CIC: variants seen among roughly 807,000 people sequenced by gnomAD.
CIC encodes the protein capicua transcriptional repressor.
CIC carries 18 observed loss-of-function variants against 115.7 expected under a neutral mutation model. That is an observed-to-expected ratio of 0.16 (90% CI 0.11 to 0.23). The LOEUF (loss-of-function observed/expected upper bound fraction) is 0.23, where lower values mean the gene tolerates loss of function less well. Among genes scored for constraint, CIC ranks in the 10% least tolerant of loss-of-function variants. The pLI is 1.00. For missense variants in CIC, 2,000 were observed against 2,159.3 expected, an observed-to-expected ratio of 0.93 and a Z score of 1.46; for synonymous variants, 1,076 against 923.0, an observed-to-expected ratio of 1.17 and a Z score of -3.01.
chr19:42,288,366 G>A (rs548919940), intron 7 of CIC, among the ~76,000 whole-genome samples: 3 of 152,254 alleles, frequency 2.0e-5, no homozygotes, highest in South Asian at 2.1e-4. Context: ...ACCCCAGTTC[G>A]GCGGGCCCCC....
intron 14 of CIC, 38 bp from the exon 15 acceptor site, chr19:42,292,528 C>G (rs768640903): frequency 6.2e-7 from 1 of 1,612,248 alleles, no homozygotes; most frequent in Middle Eastern, 1.7e-4. Context: ...AGTCCGGGCC[C>G]TAACTTGGTC....
chr19:42,286,644 G>A, intron 2 of CIC, 127 bp from the exon 3 acceptor site: 1 of 1,192,724 alleles, frequency 8.4e-7, no homozygotes, highest in Non-Finnish European at 1.2e-6. Flanking sequence ...AGTCCAAGAG[G>A]CTCTGGTGTT....
chr19:42,277,765 C>G (rs1014478879), intron 2 of CIC, among the ~76,000 whole-genome samples: 1 of 152,178 alleles, frequency 6.6e-6, no homozygotes, highest in Non-Finnish European at 1.5e-5. Flanking sequence ...CTGGGGGCCA[C>G]CTGGTTGTCA....
Position 42,270,512 on chromosome 19 carries a change from C to T in CIC, c.-11+1131C>T, listed in dbSNP as rs2036740658. Among the ~76,000 whole-genome samples, 1 of 152,152 alleles carries T rather than the reference C, an allele frequency of 6.6e-6. No homozygotes were observed. The highest frequency in any genetic ancestry group is 2.4e-5 in the African/African-American group (1 of 41,432). Reference sequence around the variant, plus strand: ...CCCCTTTTCTTTTCTCAGGGCAGCTCGAAAGGGGGCGGGCAGTAATGACTG... The same window carrying T: ...CCCCTTTTCTTTTCTCAGGGCAGCTTGAAAGGGGGCGGGCAGTAATGACTG... On this transcript the variant is annotated intron_variant, in intron 1 of 20. Coordinates refer to ENST00000681038, the MANE Select transcript of CIC (RefSeq NM_001386298.1). This position sits in a 1 kb window ranked among gnomAD's most constrained non-coding sequence, Gnocchi z 4.1.
chr19:42,290,414 C>T lies in CIC; in HGVS notation c.4373C>T (p.Ser1458Phe), dbSNP rs2037997465. ...PASSSASAATSFSLGSGTFKA... is the reference protein window; with the variant it reads ...PASSSASAATFFSLGSGTFKA... ...TCCTCCTCAGCCTCGGCAGCCACCT[C>T]CTTCTCACTGGGCTCAGGAACCTTC... The change falls in exon 11 of 21, where the codon TCC becomes TTC. Residue 1458 changes from serine (S) to phenylalanine (F), a missense_variant. Physicochemically the swap from Ser to Phe is radical, Grantham distance 155. Coordinates refer to ENST00000681038, the MANE Select transcript of CIC (RefSeq NM_001386298.1). 6.2e-7 allele frequency: 1 copy of T among 1,614,032 alleles called. No homozygotes were observed.
chr19:42,284,810 G>A (rs761786676), intron 2 of CIC: 5 of 1,508,578 alleles, frequency 3.3e-6, no homozygotes. Flanking sequence ...AGGGGTCAAG[G>A]TGTCGGGGTG....
Position 42,271,897 on chromosome 19 carries a change from C to T in CIC, c.114C>T (p.Asp38=), listed in dbSNP as rs1346000950. The part of the protein sequence containing the change: ...ALRRRGAGEG[D]KPEEEDDEAQ... Reference sequence around the variant, plus strand: ...GGCGGCGAGGGGCTGGGGAGGGTGACAAGCCAGAGGAGGAGGATGACGAGG... The same window carrying T: ...GGCGGCGAGGGGCTGGGGAGGGTGATAAGCCAGAGGAGGAGGATGACGAGG... The change falls in exon 2 of 21, where the codon GAC becomes GAT. Residue 38 remains aspartate, a synonymous_variant. Transcript: ENST00000681038. 1 of 398,798 alleles carries T rather than the reference C, an allele frequency of 2.5e-6. No homozygotes were observed. Among genetic ancestry groups the T allele is most frequent in the Admixed American group, 4.4e-5 (1 of 22,720 alleles). 24.7% of individuals were successfully genotyped at this position (398,798 alleles called of 1,614,324 possible).
chr19:42,278,645 A>G (rs2037087459), intron 2 of CIC, among the ~76,000 whole-genome samples: 1 of 151,892 alleles, frequency 6.6e-6, no homozygotes, highest in Admixed American at 6.5e-5. Flanking sequence ...CACTCTTTAG[A>G]TGGACTTGCT....
rs2037909018 is a variant in CIC at position 42,289,422 on chromosome 19, C to T, written c.4087+16C>T. ...GATGTCATTGGTGAGCATTGCAGGG[C>T]CCAGAATCTTGCCCAGGACCCAGCA... On this transcript the variant is annotated intron_variant, in intron 9 of 20. Transcript: ENST00000681038. 1.9e-6 allele frequency: 3 copies of T among 1,559,496 alleles called. No individual in the cohort carries two copies. Among genetic ancestry groups the T allele is most frequent in the Non-Finnish European group, 2.6e-6 (3 of 1,151,264 alleles).
chr19:42,269,860 G>A (rs921363439), intron 1 of CIC, among the ~76,000 whole-genome samples: 7 of 152,156 alleles, frequency 4.6e-5, no homozygotes, highest in African/African-American at 1.7e-4. Flanking sequence ...TGCCAGGAGG[G>A]CTAATGGGAA....
Position 42,295,493 on chromosome 19 carries a change from A to G in CIC, c.*302A>G. On this transcript the variant is annotated 3_prime_UTR_variant, in exon 21 of 21. Transcript: ENST00000681038. ...GGCTCCTGTGAGGGCTGCAAGCTGG[A>G]GGGTGGTGCAGGCCTTGGGCCACAG... The G allele has an allele frequency of 8.2e-6, 3 of 363,662 alleles. No homozygotes were observed. The highest frequency in any genetic ancestry group is 1.0e-5 in the Non-Finnish European group (2 of 197,640). 22.5% of individuals were successfully genotyped at this position (363,662 alleles called of 1,614,324 possible).
chr19:42,287,125 C>G lies in CIC; in HGVS notation c.3064C>G (p.Pro1022Ala), dbSNP rs766800303. The part of the protein sequence containing the change: ...PESPGPGPPH[P>A]LGVVESGKGP... The stretch of plus-strand genomic sequence containing the variant: ...GAGCCCAGGACCCGGACCCCCACAC[C>G]CTTTGGGGGTGGTGGAATCTGGTAA... The change falls in exon 4 of 21, where the codon CCT becomes GCT. Residue 1022 changes from proline (P) to alanine (A), a missense_variant. Pro to Ala is a conservative substitution (Grantham distance 27, BLOSUM62 -1). Coordinates refer to ENST00000681038, the MANE Select transcript of CIC (RefSeq NM_001386298.1). The surrounding 1 kb of genome is among the most constrained non-coding windows in gnomAD (Gnocchi z 8.7). 2 of 1,613,516 alleles carry G rather than the reference C, an allele frequency of 1.2e-6. No homozygotes were observed. The highest frequency in any genetic ancestry group is 1.7e-6 in the Non-Finnish European group (2 of 1,179,892).
In CIC at chr19:42,292,971, A is replaced by C. The variant is rs556245581; in HGVS notation, c.6212A>C (p.Tyr2071Ser). ...TCCCCACTAGCAGGTTCCATGACCT[A>C]CAGCTTAGTGGCCCCCAAGGCCCAG... ...FPSATAGSMT[Y>S]SLVAPKAQRP... Residue 2071 changes from tyrosine to serine, a missense_variant, in exon 16 of 21, where the codon TAC becomes TCC. Around this residue, in one of 8 missense-constraint regions of CIC, gnomAD observed 1,466 missense variants for 1,390.4 expected, o/e 1.05. Coordinates refer to ENST00000681038, the MANE Select transcript of CIC (RefSeq NM_001386298.1). 22 of 1,613,708 alleles carry C rather than the reference A, an allele frequency of 1.4e-5. No individual in the cohort carries two copies. In the South Asian group the frequency reaches 2.3e-4, roughly 17 times the overall value.
At position 42,291,540 on chromosome 19, in the gene CIC, T is replaced by C; in HGVS notation, c.5426-18T>C. 6.2e-7 allele frequency: 1 copy of C among 1,613,112 alleles called. No homozygotes were observed. The highest frequency in any genetic ancestry group is 1.1e-5 in the South Asian group (1 of 91,084). ...GGCTCCCTTGTAACCTTTTCCTTTC[T>C]TGCCTCTTAACTTCCAGCCCAGTCA... On this transcript the variant is annotated intron_variant, in intron 11 of 20. Transcript: ENST00000681038.
chr19:42,282,086 T>A (rs2037283530), intron 2 of CIC, among the ~76,000 whole-genome samples: 2 of 152,152 alleles, frequency 1.3e-5, no homozygotes, highest in South Asian at 4.1e-4. Context: ...GTGCCTCACA[T>A]TGCAGTCCCT....
rs2038330411 is a variant in CIC at position 42,293,849 on chromosome 19, TG to T, written c.6767+17del. 6.2e-7 allele frequency: 1 copy of T among 1,612,864 alleles called. No homozygotes were observed. The highest frequency in any genetic ancestry group is 1.7e-5 in the Admixed American group (1 of 59,988). On this transcript the variant is annotated intron_variant, in intron 17 of 20. Transcript: ENST00000681038. ...ACTCTGTGGACAAGTGAGCATGGGC[TG>T]GGGCCTTGGTGGAGCGTGTTAGGGT...
intron 2 of CIC, among the ~76,000 whole-genome samples, chr19:42,276,898 C>A (rs1007807931): frequency 6.6e-6 from 1 of 152,106 alleles, no homozygotes; most frequent in African/African-American, 2.4e-5. Context: ...GCTCTTGTTA[C>A]CATTTTCCAG....
At chr19:42,278,936 C>T (rs955394995) in intron 2 of CIC, among the ~76,000 whole-genome samples, 1 of 152,242 alleles carries the variant, frequency 6.6e-6, no homozygotes, top group African/African-American at 2.4e-5. Flanking sequence ...ATGGACCAAG[C>T]TAGGAGATCC....
chr19:42,285,962 C>T (rs994767417), intron 2 of CIC, among the ~76,000 whole-genome samples: 3 of 152,218 alleles, frequency 2.0e-5, no homozygotes, highest in Non-Finnish European at 2.9e-5. Context: ...ACAATTCTCT[C>T]TTCTGGCCCA....
Sources: allele counts gnomAD v4.1 joint callset (sites outside exome capture counted in the v4.1 genomes callset), GRCh38; gene constraint gnomAD v4.1.1; regional missense constraint gnomAD v4.1.1; non-coding constraint Gnocchi (gnomAD v3.1); transcripts MANE v1.5; gene names NCBI Gene and HGNC (gene_info 2026-07-23, HGNC 2026-07-21).